KIAA1549: variants seen among roughly 807,000 people sequenced by gnomAD.
KIAA1549 encodes UPF0606 protein KIAA1549.
In KIAA1549, 70 loss-of-function variants were observed where a neutral mutation model predicts 156.4. That is an observed-to-expected ratio of 0.45 (90% CI 0.37 to 0.55). The LOEUF (loss-of-function observed/expected upper bound fraction) is 0.55, where lower values mean the gene tolerates loss of function less well. Ranked by LOEUF, KIAA1549 falls within the 20% of genes least tolerant of loss-of-function variation. The probability of loss-of-function intolerance (pLI) is 0.00; values close to 1 mark genes in which losing one functional copy is unlikely to be tolerated. For missense variants in KIAA1549, 2,428 were observed against 2,540.9 expected (o/e 0.96, Z 0.96); for synonymous variants, 1,103 against 1,066.4 (o/e 1.03, Z -0.67).
chr7:138,890,036 G>A (rs1176599692), intron 10 of KIAA1549, among the ~76,000 whole-genome samples: 3 of 152,298 alleles, frequency 2.0e-5, no homozygotes, highest in South Asian at 2.1e-4. Flanking sequence ...TAATGAGAGT[G>A]TTCAATATTC....
chr7:138,850,273 C>T (rs548951924), intron 17 of KIAA1549, among the ~76,000 whole-genome samples: 45 of 152,240 alleles, frequency 3.0e-4, no homozygotes, highest in Middle Eastern at 3.4e-3. Flanking sequence ...TTTGAGGAAT[C>T]GCCACACTGC....
intron 4 of KIAA1549, among the ~76,000 whole-genome samples, chr7:138,910,271 C>T (rs1389377262): frequency 2.0e-5 from 3 of 152,116 alleles, no homozygotes; most frequent in African/African-American, 7.2e-5. Context: ...GGTGTGGTAG[C>T]TCACACCCGT....
chr7:138,912,632 A>G (rs774607896), intron 2 of KIAA1549, among the ~76,000 whole-genome samples, 172 bp from the exon 3 acceptor site: 2 of 152,064 alleles, frequency 1.3e-5, no homozygotes, highest in Non-Finnish European at 2.9e-5. Flanking sequence ...AGTTGCTGCT[A>G]ACTACCTGGA....
At chr7:138,861,774 G>A (rs977607516) in intron 15 of KIAA1549, among the ~76,000 whole-genome samples, 1 of 152,008 alleles carries the variant, frequency 6.6e-6, no homozygotes, top group Non-Finnish European at 1.5e-5. Context: ...GGGAGGCTGA[G>A]GTGGAAGGAT....
intron 17 of KIAA1549, among the ~76,000 whole-genome samples, chr7:138,851,711 G>A (rs1365034751): frequency 5.9e-5 from 9 of 152,156 alleles, no homozygotes; most frequent in South Asian, 2.1e-4. Context: ...ACTTCCTGCA[G>A]GGACTGATCT....
chr7:138,861,676 AC>A (rs554581505), intron 15 of KIAA1549, among the ~76,000 whole-genome samples: 20 of 133,446 alleles, frequency 1.5e-4, no homozygotes, highest in South Asian at 2.4e-4. Flanking sequence ...ACAAAGTGAG[AC>A]CCCCCCCATC....
chr7:138,849,087 A>T (rs575972970), intron 17 of KIAA1549, among the ~76,000 whole-genome samples: 3 of 152,262 alleles, frequency 2.0e-5, no homozygotes, highest in Admixed American at 6.5e-5. Context: ...TGTCTGTAAG[A>T]TCTGGATTAA....
chr7:138,888,274 T>C (rs988010906), intron 10 of KIAA1549, among the ~76,000 whole-genome samples: 3 of 152,250 alleles, frequency 2.0e-5, no homozygotes, highest in African/African-American at 7.2e-5. Context: ...AGATCAAAAT[T>C]ACAACTTCAA....
At chr7:138,958,071 T>A (rs1181558080) in intron 1 of KIAA1549, among the ~76,000 whole-genome samples, 1 of 152,270 alleles carries the variant, frequency 6.6e-6, no homozygotes, top group African/African-American at 2.4e-5. Context: ...TGAATACATA[T>A]TTGTCTTTCC....
intron 10 of KIAA1549, among the ~76,000 whole-genome samples, chr7:138,885,346 C>T (rs1482687305): frequency 6.6e-6 from 1 of 152,168 alleles, no homozygotes; most frequent in Non-Finnish European, 1.5e-5. Context: ...CACAGACAAC[C>T]TGCTGGCATG....
chr7:138,898,961 C>G lies in KIAA1549; in HGVS notation c.3841G>C (p.Ala1281Pro). The change falls in exon 9 of 20, where the codon GCC (alanine) becomes CCC (proline). Residue 1281 changes from alanine to proline, a missense_variant. Around this residue, in one of 5 missense-constraint regions of KIAA1549, gnomAD observed 762 missense variants for 901.6 expected, o/e 0.85. Coordinates refer to ENST00000422774, the MANE Select transcript of KIAA1549 (RefSeq NM_001164665.2). Reference protein sequence around the residue: ...ILGYRIQGVIAQPVDRVKRPS... With the variant: ...ILGYRIQGVIPQPVDRVKRPS... ...CAACACCTCAGGCACTTACGCTGGG[C>G]AATGACACCTTGAATTCGGTAACCC... The G allele has an allele frequency of 6.2e-7, 1 of 1,613,772 alleles. No homozygotes were observed.
At chr7:138,924,195 CTTTTTTTT>C (rs747004102) in intron 1 of KIAA1549, among the ~76,000 whole-genome samples, 1 of 132,794 alleles carries the variant, frequency 7.5e-6, no homozygotes, top group Non-Finnish European at 1.6e-5. Flanking sequence ...TTTTTTTTTT[CTTTTTTTT>C]TTTTGGATGT....
chr7:138,877,733 G>A (rs77577746), intron 12 of KIAA1549, among the ~76,000 whole-genome samples: 1,732 of 152,224 alleles, frequency 0.011, 21 homozygotes, highest in African/African-American at 0.039. Context: ...TCTTCAAATT[G>A]TAACAGCAGC....
rs560409834 is a variant in KIAA1549 at position 138,837,525 on chromosome 7, C to A, written c.*381G>T. 2.2e-4 allele frequency: 74 copies of A among 343,248 alleles called. No individual in the cohort carries two copies. The Middle Eastern group carries it at 3.1e-3, about 14-fold the overall frequency. The allele number at this position is 343,248 out of a possible 1,614,324, so 21.3% of individuals were successfully genotyped here. On this transcript the variant is annotated 3_prime_UTR_variant, in exon 20 of 20. Coordinates refer to ENST00000422774, the MANE Select transcript of KIAA1549 (RefSeq NM_001164665.2). Reference sequence around the variant, plus strand: ...AGCAGCAGGTTCATCGTACACGTACCAGTCTCAATCCCACAGAAACGCTTG... The same window carrying A: ...AGCAGCAGGTTCATCGTACACGTACAAGTCTCAATCCCACAGAAACGCTTG...
At chr7:138,907,926 C>T (rs1300625880) in intron 5 of KIAA1549, among the ~76,000 whole-genome samples, 1 of 152,188 alleles carries the variant, frequency 6.6e-6, no homozygotes. Flanking sequence ...TAGGAAGAAC[C>T]TCTTTATCTA....
intron 1 of KIAA1549, among the ~76,000 whole-genome samples, chr7:138,946,667 T>G (rs1813346639): frequency 6.6e-6 from 1 of 152,016 alleles, no homozygotes; most frequent in Non-Finnish European, 1.5e-5. Context: ...TAGTCTCAGC[T>G]ACTCAGGAAG....
rs1809574010 is a variant in KIAA1549, at chr7:138,832,713, C to T, written c.*5193G>A. 1 of 218,232 alleles carries T rather than the reference C, an allele frequency of 4.6e-6. No individual in the cohort carries two copies. Among genetic ancestry groups the T allele is most frequent in the Non-Finnish European group, 9.2e-6 (1 of 108,840 alleles). The allele number at this position is 218,232 out of a possible 1,614,324, so 13.5% of individuals were successfully genotyped here. On this transcript the variant is annotated 3_prime_UTR_variant, in exon 20 of 20. Transcript: ENST00000422774. ...ATTCTTTTCCTAAATTTCAATGCTG[C>T]TGTGTTTTAAGATAAATTATCAAGC...
chr7:138,889,429 T>C (rs1490802513), intron 10 of KIAA1549, among the ~76,000 whole-genome samples: 2 of 152,206 alleles, frequency 1.3e-5, no homozygotes, highest in Admixed American at 1.3e-4. Flanking sequence ...TGTTGATTGA[T>C]GAAACATCGA....
At chr7:138,849,685 T>C (rs973073215) in intron 17 of KIAA1549, among the ~76,000 whole-genome samples, 4 of 151,988 alleles carry the variant, frequency 2.6e-5, no homozygotes, top group East Asian at 1.9e-4. Context: ...TAGTACCCAA[T>C]AGTTATTTTT....
Sources: allele counts gnomAD v4.1 joint callset (sites outside exome capture counted in the v4.1 genomes callset), GRCh38; gene constraint gnomAD v4.1.1; regional missense constraint gnomAD v4.1.1; transcripts MANE v1.5; gene names NCBI Gene and HGNC (gene_info 2026-07-23, HGNC 2026-07-21).